Variants in DNAH11 observed in about 807,000 individuals in gnomAD.
DNAH11 encodes dynein axonemal heavy chain 11, also known as axonemal beta dynein heavy chain 11.
A neutral mutation model predicts 526.0 loss-of-function variants in DNAH11; 442 were observed. The observed-to-expected ratio is 0.84, with a 90% CI of 0.78 to 0.91. The LOEUF (loss-of-function observed/expected upper bound fraction) is 0.91. Among genes scored for constraint, DNAH11 ranks in the 40% least tolerant of loss-of-function variants. The probability of loss-of-function intolerance (pLI) is 0.00; values close to 1 mark genes in which losing one functional copy is unlikely to be tolerated. For synonymous variants in DNAH11, 2,461 were observed against 1,935.9 expected, an observed-to-expected ratio of 1.27 and a Z score of -7.12; for missense variants, 6,989 against 5,448.7, an observed-to-expected ratio of 1.28 and a Z score of -8.90.
chr7:21,615,030 A>G, intron 20 of DNAH11, 84 bp from the exon 21 acceptor site: 1 of 1,363,572 alleles, frequency 7.3e-7, no homozygotes. Context: ...AAAGATTGAA[A>G]TGTCGAGATA....
chr7:21,896,759 CTTAA>C (rs1423186962), intron 79 of DNAH11, among the ~76,000 whole-genome samples: 1 of 150,050 alleles, frequency 6.7e-6, no homozygotes, highest in Non-Finnish European at 1.5e-5. Context: ...CAATCTGTTT[CTTAA>C]TTATTTAGAT....
chr7:21,720,961 C>G (rs936008575), intron 44 of DNAH11, 105 bp downstream of exon 44: 6 of 1,381,300 alleles, frequency 4.3e-6, no homozygotes. Context: ...TGTTATAGAT[C>G]TATACTGCTT....
intron 51 of DNAH11, among the ~76,000 whole-genome samples, chr7:21,746,724 C>G (rs1020696250): frequency 2.0e-5 from 3 of 152,120 alleles, no homozygotes; most frequent in South Asian, 2.1e-4. Context: ...AATTGTAGAG[C>G]CCTTCCTGTC....
At position 21,868,934 on chromosome 7, in the gene DNAH11, G is replaced by C; in HGVS notation, c.11910G>C (p.Thr3970=). The part of the protein sequence containing the change: ...HNVSLGQGQE[T]VAEVALEKAS... ...TGTCTTTAGGACAAGGTCAGGAGACGGTGGCAGAAGTGGCCCTGGAGAAAG... is the reference window on the plus strand; with the variant it reads ...TGTCTTTAGGACAAGGTCAGGAGACCGTGGCAGAAGTGGCCCTGGAGAAAG... The change falls in exon 73 of 82, where the codon ACG becomes ACC. Residue 3970 remains threonine, a synonymous_variant. Coordinates refer to ENST00000409508, the MANE Select transcript of DNAH11 (RefSeq NM_001277115.2). 1.9e-6 allele frequency: 3 copies of C among 1,613,990 alleles called. No individual in the cohort carries two copies. The highest frequency in any genetic ancestry group is 2.5e-6 in the Non-Finnish European group (3 of 1,179,888).
chr7:21,659,694 A>T (rs753790010), intron 30 of DNAH11, among the ~76,000 whole-genome samples: 1 of 152,066 alleles, frequency 6.6e-6, no homozygotes, highest in Non-Finnish European at 1.5e-5. Context: ...GGCTTTCCCA[A>T]TGTTGCACAG....
In DNAH11 at chr7:21,893,030, G is replaced by A. The variant is rs1415295545; in HGVS notation, c.12750+363G>A. Among the ~76,000 whole-genome samples the A allele has an allele frequency of 3.3e-5, 5 of 152,140 alleles. No individual in the cohort carries two copies. In the East Asian group the frequency reaches 7.7e-4, roughly 23 times the overall value. ...GTTCATGTACCAATGGTTCATTTTT[G>A]TTTTGAATTCTATATGAATATAAAA... On this transcript the variant is annotated intron_variant, in intron 77 of 81. Transcript: ENST00000409508.
intron 74 of DNAH11, 134 bp downstream of exon 74, chr7:21,873,635 G>A: frequency 2.5e-6 from 2 of 803,672 alleles, no homozygotes; most frequent in Non-Finnish European, 4.0e-6. Context: ...GGAAGGGTAG[G>A]GGTGGGCGTG....
chr7:21,813,998 G>C (rs1018918), intron 63 of DNAH11, among the ~76,000 whole-genome samples: 61,820 of 152,048 alleles, frequency 0.41, 13,434 homozygotes, highest in East Asian at 0.82. Flanking sequence ...ACCTAGATGA[G>C]ACAGCCTATT....
intron 30 of DNAH11, among the ~76,000 whole-genome samples, chr7:21,675,769 G>A (rs144899001): frequency 4.5e-4 from 68 of 152,294 alleles, no homozygotes; most frequent in African/African-American, 1.5e-3. Context: ...TGAGACAGAT[G>A]TGGGCCTTGC....
Position 21,710,667 on chromosome 7 carries a change from G to A in DNAH11, c.6798G>A (p.Trp2266Ter). 1.2e-6 allele frequency: 2 copies of A among 1,613,086 alleles called. No homozygotes were observed. The highest frequency in any genetic ancestry group is 1.7e-6 in the Non-Finnish European group (2 of 1,179,484). ...IVLDGDIDPM[W>*]IESLNTVMDD... is the part of the protein sequence containing the mutation. Reference sequence around the variant, plus strand: ...TGGATGGCGATATTGACCCCATGTGGATTGAATCACTGAATACTGTAATGG... The same window carrying A: ...TGGATGGCGATATTGACCCCATGTGAATTGAATCACTGAATACTGTAATGG... Residue 2266 changes from tryptophan (W) to a stop codon, truncating the protein, a stop_gained, in exon 41 of 82, where the codon TGG (tryptophan) becomes TGA (stop). Transcript: ENST00000409508. LOFTEE classifies it high-confidence loss of function.
chr7:21,691,422 G>A (rs573701679), intron 35 of DNAH11, among the ~76,000 whole-genome samples: 14 of 151,624 alleles, frequency 9.2e-5, no homozygotes, highest in South Asian at 6.3e-4. Context: ...CCCTCCTGCC[G>A]CTCTCCTTGG....
At chr7:21,831,226 A>G (rs1790537390) in intron 65 of DNAH11, among the ~76,000 whole-genome samples, 1 of 152,158 alleles carries the variant, frequency 6.6e-6, no homozygotes, top group Non-Finnish European at 1.5e-5. Context: ...GCTCATAGCT[A>G]CCTTCAGTGT....
intron 61 of DNAH11, among the ~76,000 whole-genome samples, chr7:21,798,427 T>C (rs1039327079): frequency 6.6e-6 from 1 of 152,212 alleles, no homozygotes; most frequent in African/African-American, 2.4e-5. Flanking sequence ...CGAAGATGGA[T>C]ACTCTTAACT....
At position 21,901,131 on chromosome 7, in the gene DNAH11, C is replaced by T. The variant is rs530934832; in HGVS notation, c.13428C>T (p.Tyr4476=). The T allele has an allele frequency of 5.0e-5, 81 of 1,613,224 alleles. No individual in the cohort carries two copies. Among genetic ancestry groups the T allele is most frequent in the Middle Eastern group, 1.6e-4 (1 of 6,084 alleles). Residue 4476 remains tyrosine (Y), a synonymous_variant, in exon 82 of 82, where the codon TAC becomes TAT. Coordinates refer to ENST00000409508, the MANE Select transcript of DNAH11 (RefSeq NM_001277115.2). ...PVDRQETKQT[Y]ECPVYRTKLR... The stretch of plus-strand genomic sequence containing the variant: ...ACAGACAAGAAACCAAACAGACCTA[C>T]GAGTGCCCTGTGTATAGAACCAAAC...
chr7:21,752,753 C>T (rs1234061404), intron 54 of DNAH11, among the ~76,000 whole-genome samples: 1 of 152,120 alleles, frequency 6.6e-6, no homozygotes, highest in East Asian at 1.9e-4. Context: ...ACTCTTGTTG[C>T]CCAGGCTGGA....
chr7:21,726,891 A>AAAAAAAAAAG (rs1269603324), intron 45 of DNAH11, among the ~76,000 whole-genome samples: 2 of 114,748 alleles, frequency 1.7e-5, no homozygotes, highest in East Asian at 4.0e-4. Context: ...AAAAAAAAAA[A>AAAAAAAAAAG]GAATGCTTAG....
chr7:21,797,606 A>C (rs1788777121), intron 61 of DNAH11, among the ~76,000 whole-genome samples: 1 of 152,228 alleles, frequency 6.6e-6, no homozygotes, highest in Admixed American at 6.5e-5. Flanking sequence ...GCTCCTTTCA[A>C]ATCTCTGAAT....
chr7:21,588,281 A>G (rs1018407815), intron 10 of DNAH11, 80 bp downstream of exon 10: 3 of 1,482,522 alleles, frequency 2.0e-6, no homozygotes, highest in African/African-American at 2.8e-5. Flanking sequence ...CTATGTGATT[A>G]TATCTAAAGA....
At chr7:21,803,341 G>C (rs1430680097) in intron 62 of DNAH11, among the ~76,000 whole-genome samples, 2 of 152,080 alleles carry the variant, frequency 1.3e-5, no homozygotes, top group East Asian at 3.9e-4. Context: ...AGCCACCTAG[G>C]CTCTTTGTTG....
Sources: gnomAD v4.1 joint callset for allele counts (sites outside exome capture counted in the v4.1 genomes callset) on GRCh38, gnomAD v4.1.1 for gene constraint, MANE v1.5 for transcripts, NCBI Gene and HGNC (gene_info 2026-07-23, HGNC 2026-07-21) for gene names.